Variants in SIPA1L2 observed in about 807,000 individuals in gnomAD.
SIPA1L2 encodes the protein signal induced proliferation associated 1 like 2.
In SIPA1L2, 56 loss-of-function variants were observed where a neutral mutation model predicts 163.9. The observed-to-expected ratio is 0.34, with a 90% CI of 0.28 to 0.43. SIPA1L2 has a LOEUF of 0.43. Ranked by LOEUF, SIPA1L2 falls within the 20% of genes least tolerant of loss-of-function variation. The pLI, the probability that SIPA1L2 is intolerant of heterozygous loss-of-function variation, is 1.00. For missense variants in SIPA1L2, 1,974 were observed against 2,193.5 expected (o/e 0.90, Z 2.00); for synonymous variants, 877 against 865.7 (o/e 1.01, Z -0.23).
At chr1:232,422,929 A>T (rs1024259646) in intron 18 of SIPA1L2, among the ~76,000 whole-genome samples, 1 of 152,218 alleles carries the variant, frequency 6.6e-6, no homozygotes, top group Non-Finnish European at 1.5e-5. Flanking sequence ...AAAGAAGAGG[A>T]TTATTAAAAC....
intron 9 of SIPA1L2, among the ~76,000 whole-genome samples, chr1:232,463,963 T>C (rs1439360381): frequency 6.6e-6 from 1 of 152,112 alleles, no homozygotes; most frequent in Non-Finnish European, 1.5e-5. Context: ...GGAGGAAATA[T>C]TTTTGGTGGG....
chr1:232,493,103 T>G (rs1247278623), intron 4 of SIPA1L2, among the ~76,000 whole-genome samples: 1 of 152,098 alleles, frequency 6.6e-6, no homozygotes, highest in African/African-American at 2.4e-5. Flanking sequence ...TCTGATGGTT[T>G]AAAAGTGTGT....
rs535908024 is a variant in SIPA1L2, at chr1:232,514,834, A to G, written c.506T>C (p.Ile169Thr). 9 of 1,614,146 alleles carry G rather than the reference A, an allele frequency of 5.6e-6. No individual in the cohort carries two copies. In the African/African-American group the frequency reaches 1.1e-4, roughly 19 times the overall value. Residue 169 changes from isoleucine to threonine, a missense_variant, in exon 3 of 23, where the codon ATT (isoleucine) becomes ACT (threonine). Physicochemically the swap from Ile to Thr is moderately conservative, Grantham distance 89. Coordinates refer to ENST00000674635, the MANE Select transcript of SIPA1L2 (RefSeq NM_020808.5). Reference protein sequence around the residue: ...RSNSDVTISDIDAEDVLDQNA... With the variant: ...RSNSDVTISDTDAEDVLDQNA... Reference sequence around the variant, plus strand: ...TTGGTCTAAGACATCTTCGGCATCAATGTCACTGATAGTGACATCACTATT... The same window carrying G: ...TTGGTCTAAGACATCTTCGGCATCAGTGTCACTGATAGTGACATCACTATT...
At chr1:232,453,304 TA>T (rs1663697215) in intron 10 of SIPA1L2, among the ~76,000 whole-genome samples, 1 of 151,974 alleles carries the variant, frequency 6.6e-6, no homozygotes, top group Non-Finnish European at 1.5e-5. Context: ...AAGGGAAGAA[TA>T]CATATTCTTA....
chr1:232,587,152 T>C (rs754007272), intron 1 of SIPA1L2, among the ~76,000 whole-genome samples: 9 of 152,232 alleles, frequency 5.9e-5, no homozygotes, highest in Admixed American at 2.6e-4. Context: ...AACTAATGAA[T>C]TTATGCAGCC....
chr1:232,428,068 G>C (rs557544403), intron 17 of SIPA1L2, among the ~76,000 whole-genome samples: 2 of 152,254 alleles, frequency 1.3e-5, no homozygotes, highest in African/African-American at 4.8e-5. Flanking sequence ...CAGTTATTAT[G>C]ATCTCCTTTT....
chr1:232,461,744 C>A (rs1286589916), intron 9 of SIPA1L2, among the ~76,000 whole-genome samples: 1 of 152,196 alleles, frequency 6.6e-6, no homozygotes, highest in Non-Finnish European at 1.5e-5. Context: ...AGGGCAGTGG[C>A]AGAAAGTCAG....
chr1:232,488,847 A>C (rs2102990019), intron 5 of SIPA1L2, among the ~76,000 whole-genome samples: 1 of 152,348 alleles, frequency 6.6e-6, no homozygotes. Context: ...GGCCATCAAA[A>C]GTTTTCCATT....
At chr1:232,502,915 C>T (rs1184267754) in intron 3 of SIPA1L2, among the ~76,000 whole-genome samples, 1 of 152,214 alleles carries the variant, frequency 6.6e-6, no homozygotes, top group Non-Finnish European at 1.5e-5. Context: ...CCATAACCAC[C>T]AGGAGGGAAA....
chr1:232,527,725 C>CTTTTTTTTTTT lies in SIPA1L2; in HGVS notation c.-269-12128_-269-12118dup, dbSNP rs57868657. On this transcript the variant is annotated intron_variant, in intron 2 of 22. Coordinates refer to ENST00000674635, the MANE Select transcript of SIPA1L2 (RefSeq NM_020808.5). ...ACCCCATTTAATTCTTCTTCTTCTT[C>CTTTTTTTTTTT]TTTTTTTTTTTTTTTTTTTTTTTTG... is the stretch of plus-strand genomic sequence containing the variant. 6.4e-4 allele frequency among the ~76,000 whole-genome samples: 52 copies of CTTTTTTTTTTT among 80,942 alleles called. 1 individual carries two copies. The highest frequency in any genetic ancestry group is 7.8e-4 in the Admixed American group (4 of 5,108). The allele number at this position is 80,942 out of a possible 152,430, so 53.1% of individuals were successfully genotyped here.
rs139679039 is a variant in SIPA1L2, at chr1:232,511,504, C to T, written c.1483+2353G>A. On this transcript the variant is annotated intron_variant, in intron 3 of 22. Coordinates refer to ENST00000674635, the MANE Select transcript of SIPA1L2 (RefSeq NM_020808.5). ...AAGACATGCTAAGTCTGGATTGATG[C>T]AAAAACAGGAGGGGGAATTATTAAT... is the stretch of plus-strand genomic sequence containing the variant. Among the ~76,000 whole-genome samples, 1,368 of 152,150 alleles carry T rather than the reference C, an allele frequency of 9.0e-3. 21 individuals carry two copies. Among genetic ancestry groups the T allele is most frequent in the African/African-American group, 0.03 (1,259 of 41,518 alleles).
rs371653320 is a variant in SIPA1L2 at position 232,514,916 on chromosome 1, C to T, written c.424G>A (p.Gly142Arg). The change falls in exon 3 of 23, where the codon GGA becomes AGA. Residue 142 changes from glycine (G) to arginine (R), a missense_variant. Gly to Arg is a moderately radical substitution (Grantham distance 125). Transcript: ENST00000674635. ...LDFVEAKYTIGDIFVHSPQRG... is the reference protein window; with the variant it reads ...LDFVEAKYTIRDIFVHSPQRG... Reference sequence around the variant, plus strand: ...TGGGGGGAATGGACAAAGATGTCTCCGATTGTGTACTTGGCCTCCACGAAG... The same window carrying T: ...TGGGGGGAATGGACAAAGATGTCTCTGATTGTGTACTTGGCCTCCACGAAG... 45 of 1,613,962 alleles carry T rather than the reference C, an allele frequency of 2.8e-5. No individual in the cohort carries two copies. Among genetic ancestry groups the T allele is most frequent in the African/African-American group, 6.7e-5 (5 of 74,888 alleles).
intron 22 of SIPA1L2, among the ~76,000 whole-genome samples, chr1:232,401,969 A>C (rs73111033): frequency 6.6e-6 from 1 of 152,218 alleles, no homozygotes; most frequent in Admixed American, 6.5e-5. Context: ...GTTGATGTGT[A>C]CAGCAGAAGT....
At chr1:232,598,691 T>A (rs1465626948) in intron 1 of SIPA1L2, among the ~76,000 whole-genome samples, 1 of 152,158 alleles carries the variant, frequency 6.6e-6, no homozygotes, top group Non-Finnish European at 1.5e-5. Context: ...TACATGGGTC[T>A]CTTCCTCTCT....
At chr1:232,542,845 C>A (rs574627344) in intron 2 of SIPA1L2, among the ~76,000 whole-genome samples, 29 of 152,272 alleles carry the variant, frequency 1.9e-4, no homozygotes, top group African/African-American at 6.0e-4. Context: ...ACATTCCTTT[C>A]GCTCATATAT....
chr1:232,423,327 T>C (rs1386412075), intron 18 of SIPA1L2, among the ~76,000 whole-genome samples: 1 of 152,188 alleles, frequency 6.6e-6, no homozygotes, highest in Non-Finnish European at 1.5e-5. Context: ...GGAGCATCTA[T>C]AATCACATAG....
intron 22 of SIPA1L2, among the ~76,000 whole-genome samples, chr1:232,401,144 T>C (rs1053429491): frequency 1.4e-4 from 21 of 152,156 alleles, no homozygotes; most frequent in Non-Finnish European, 2.9e-4. Flanking sequence ...ATTTCCCGTC[T>C]AAACTTTAAT....
chr1:232,534,884 C>T (rs1390439998), intron 2 of SIPA1L2, among the ~76,000 whole-genome samples: 1 of 152,190 alleles, frequency 6.6e-6, no homozygotes, highest in Non-Finnish European at 1.5e-5. Flanking sequence ...ACTTCCCTCG[C>T]TATCTGAACA....
At chr1:232,530,926 T>C (rs1460530076) in intron 2 of SIPA1L2, among the ~76,000 whole-genome samples, 1 of 152,194 alleles carries the variant, frequency 6.6e-6, no homozygotes, top group Non-Finnish European at 1.5e-5. Flanking sequence ...ACAAGGTTCT[T>C]TAGTTTTGAA....
Sources: gnomAD v4.1 joint callset for allele counts (sites outside exome capture counted in the v4.1 genomes callset) on GRCh38, gnomAD v4.1.1 for gene constraint, MANE v1.5 for transcripts, NCBI Gene and HGNC (gene_info 2026-07-23, HGNC 2026-07-21) for gene names.